Variants in WASHC5 observed in about 807,000 individuals in gnomAD.
WASHC5 encodes the protein WASH complex subunit 5, also known as WASH complex subunit strumpellin.
A neutral mutation model predicts 150.4 loss-of-function variants in WASHC5; 101 were observed. The observed-to-expected ratio is 0.67, with a 90% CI of 0.57 to 0.79. The LOEUF is 0.79. Ranked by LOEUF, WASHC5 falls within the 30% of genes least tolerant of loss-of-function variation. The pLI is 0.00. For missense variants in WASHC5, 1,195 were observed against 1,396.3 expected (o/e 0.86, Z 2.30); for synonymous variants, 467 against 491.2 (o/e 0.95, Z 0.65).
intron 10 of WASHC5, among the ~76,000 whole-genome samples, chr8:125,064,995 A>C (rs955425089): frequency 2.6e-5 from 4 of 152,240 alleles, no homozygotes; most frequent in Non-Finnish European, 2.9e-5. Context: ...CCATTTGATA[A>C]TGGCAAAGCA....
rs1318892348 is a variant in WASHC5 at position 125,043,879 on chromosome 8, G to A, written c.2796C>T (p.Ser932=). 1.2e-5 allele frequency: 19 copies of A among 1,612,686 alleles called. No individual in the cohort carries two copies. The highest frequency in any genetic ancestry group is 1.1e-4 in the African/African-American group (8 of 74,854). The change falls in exon 23 of 29, where the codon TCC becomes TCT. Residue 932 remains serine (S), a synonymous_variant. Coordinates refer to ENST00000318410, the MANE Select transcript of WASHC5 (RefSeq NM_014846.4). ...IVANSNKIYF[S]AIAKTQKIWT... is the part of the protein sequence containing the mutation. ...AAATCTTCTGTGTTTTGGCAATGGC[G>A]GAAAAATAAATTTTATTTGAATTTG...
chr8:125,060,483 C>T lies in WASHC5; in HGVS notation c.1521+599G>A, dbSNP rs562594823. ...CCTGGGTGACAGAACTGGATTCCGT[C>T]TCAAAAAAAAAAAAAAGAGTTTATG... is the stretch of plus-strand genomic sequence containing the variant. On this transcript the variant is annotated intron_variant, in intron 12 of 28. Transcript: ENST00000318410. 4.6e-5 allele frequency among the ~76,000 whole-genome samples: 5 copies of T among 109,132 alleles called. 1 individual carries two copies. In the South Asian group the frequency reaches 1.5e-3, roughly 32 times the overall value. The allele number at this position is 109,132 out of a possible 152,430, so 71.6% of individuals were successfully genotyped here. A position where few individuals can be genotyped will look rare whatever the true frequency, so the allele number is the denominator to read the frequency against.
In WASHC5 at chr8:125,076,468, G is replaced by C; in HGVS notation, c.744C>G (p.Ser248Arg). 5.6e-6 allele frequency: 9 copies of C among 1,614,028 alleles called. No individual in the cohort carries two copies. The highest frequency in any genetic ancestry group is 7.6e-6 in the Non-Finnish European group (9 of 1,179,962). ...TGGCAGCTTGGTTTGCCAGGGCTGT[G>C]CTGCGATGCTCCGGCAAAGGATACG... ...VSAYPLPEHR[S>R]TALANQAAML... The change falls in exon 7 of 29, where the codon AGC becomes AGG. Residue 248 changes from serine (S) to arginine (R), a missense_variant. Ser to Arg is a moderately radical substitution (Grantham distance 110). Coordinates refer to ENST00000318410, the MANE Select transcript of WASHC5 (RefSeq NM_014846.4).
At chr8:125,030,697 T>A (rs1470746149) in intron 27 of WASHC5, among the ~76,000 whole-genome samples, 1 of 146,334 alleles carries the variant, frequency 6.8e-6, no homozygotes, top group African/African-American at 2.5e-5. Context: ...TGCTGTACTG[T>A]CCACAGAGGG....
chr8:125,088,444 G>T (rs866851717), intron 1 of WASHC5, among the ~76,000 whole-genome samples: 5 of 151,244 alleles, frequency 3.3e-5, no homozygotes, highest in East Asian at 1.9e-4. Flanking sequence ...AAAGGGGGAG[G>T]GGGGGAAGGA....
At chr8:125,040,022 A>G in intron 23 of WASHC5, 124 bp from the exon 24 acceptor site, 1 of 713,312 alleles carries the variant, frequency 1.4e-6, no homozygotes, top group Non-Finnish European at 2.5e-6. Flanking sequence ...GAAAAAAAAT[A>G]AGGATTTCCT....
chr8:125,028,504 C>T (rs1004793730), intron 28 of WASHC5, 116 bp downstream of exon 28: 9 of 713,288 alleles, frequency 1.3e-5, no homozygotes, highest in East Asian at 5.4e-5. Flanking sequence ...TGGCGAGAGG[C>T]GCAGAGGCAT....
chr8:125,081,060 T>C (rs1428836449), intron 5 of WASHC5, among the ~76,000 whole-genome samples: 1 of 152,142 alleles, frequency 6.6e-6, no homozygotes, highest in Non-Finnish European at 1.5e-5. Context: ...AAGTTCACAA[T>C]TCAGACTCCT....
chr8:125,025,364 G>A (rs532769702), intron 28 of WASHC5, among the ~76,000 whole-genome samples: 10 of 152,260 alleles, frequency 6.6e-5, no homozygotes, highest in African/African-American at 2.4e-4. Context: ...AGGGGAGGGA[G>A]AGCATTAGTA....
At chr8:125,062,790 A>C (rs77624663) in intron 11 of WASHC5, among the ~76,000 whole-genome samples, 3,996 of 152,274 alleles carry the variant, frequency 0.026, 180 homozygotes, top group African/African-American at 0.092. Context: ...CATCAGAAAT[A>C]GATCTGATAG....
At chr8:125,071,229 A>C (rs1251790919) in intron 9 of WASHC5, among the ~76,000 whole-genome samples, 1 of 152,176 alleles carries the variant, frequency 6.6e-6, no homozygotes, top group Non-Finnish European at 1.5e-5. Context: ...TGCATTGGTT[A>C]ATTAGTGTTG....
At chr8:125,045,651 G>C (rs919366780) in intron 20 of WASHC5, among the ~76,000 whole-genome samples, 1 of 152,208 alleles carries the variant, frequency 6.6e-6, no homozygotes, top group Non-Finnish European at 1.5e-5. Context: ...AGAAGGGGTT[G>C]AAAGAGCCTA....
intron 4 of WASHC5, 111 bp downstream of exon 4, chr8:125,082,272 C>T (rs368768203): frequency 2.6e-5 from 18 of 689,746 alleles, no homozygotes; most frequent in Admixed American, 9.2e-5. Context: ...AAGCTCATTT[C>T]GCTTCTCTTT....
At chr8:125,078,591 C>T (rs1176234856) in intron 6 of WASHC5, 147 bp downstream of exon 6, 1 of 645,244 alleles carries the variant, frequency 1.5e-6, no homozygotes, top group East Asian at 2.7e-5. Context: ...TTTCCTTTAT[C>T]ATCCTGGGGT....
At chr8:125,070,475 T>C (rs1816865851) in intron 9 of WASHC5, among the ~76,000 whole-genome samples, 1 of 152,308 alleles carries the variant, frequency 6.6e-6, no homozygotes, top group East Asian at 1.9e-4. Context: ...ACTGCCGGCT[T>C]TCCGAACATA....
At position 125,066,882 on chromosome 8, in the gene WASHC5, C is replaced by T. The variant is rs140739223; in HGVS notation, c.1278+710G>A. Among the ~76,000 whole-genome samples the T allele has an allele frequency of 2.0e-5, 3 of 152,320 alleles. No homozygotes were observed. The East Asian group carries it at 5.8e-4, about 29-fold the overall frequency. ...CACTAACAGATCCCTTCCCCAGGCC[C>T]CTTCAGAAGCTCTTGCGTCTCTTCT... On this transcript the variant is annotated intron_variant, in intron 10 of 28. Transcript: ENST00000318410.
chr8:125,037,961 A>G (rs967550019), intron 25 of WASHC5, among the ~76,000 whole-genome samples: 3 of 152,150 alleles, frequency 2.0e-5, no homozygotes, highest in African/African-American at 7.2e-5. Context: ...CACGGGTCAG[A>G]AGCAGGGGCT....
rs1376136504 is a variant in WASHC5, at chr8:125,083,132, A to ACAC, written c.312_313insGTG (p.Lys104_Tyr105insVal). The ACAC allele has an allele frequency of 6.5e-7, 1 of 1,545,570 alleles. No homozygotes were observed. Among genetic ancestry groups the ACAC allele is most frequent in the African/African-American group, 1.4e-5 (1 of 73,386 alleles). ...CAATACCTGTTTAAGTCTACAATAT[A>ACAC]TTTATGTACACTTTGAAATGCTAAA... On this transcript the variant is annotated inframe_insertion, in exon 3 of 29. Transcript: ENST00000318410.
chr8:125,084,640 T>A (rs78643388), intron 1 of WASHC5, among the ~76,000 whole-genome samples: 1 of 152,368 alleles, frequency 6.6e-6, no homozygotes, highest in African/African-American at 2.4e-5. Flanking sequence ...TGTATTCCAA[T>A]GCACTCTCTG....
Sources: gnomAD v4.1 joint callset for allele counts (sites outside exome capture counted in the v4.1 genomes callset) on GRCh38, gnomAD v4.1.1 for gene constraint, MANE v1.5 for transcripts, NCBI Gene and HGNC (gene_info 2026-07-23, HGNC 2026-07-21) for gene names.